CALCR: variants seen among roughly 807,000 people sequenced by gnomAD.
The protein encoded by CALCR is calcitonin receptor.
CALCR carries 47 observed loss-of-function variants against 59.5 expected under a neutral mutation model. That is an observed-to-expected ratio of 0.79 (90% confidence interval 0.63 to 1.01). CALCR has a LOEUF of 1.01. Ranked by LOEUF, CALCR falls within the 50% of genes least tolerant of loss-of-function variation. The pLI, the probability that CALCR is intolerant of heterozygous loss-of-function variation, is 0.00. For missense variants in CALCR, 566 were observed against 597.1 expected (o/e 0.95, Z 0.54); for synonymous variants, 213 against 211.3 (o/e 1.01, Z -0.07).
At chr7:93,440,098 A>G (rs1238011056) in intron 9 of CALCR, among the ~76,000 whole-genome samples, 2 of 152,158 alleles carry the variant, frequency 1.3e-5, no homozygotes, top group Non-Finnish European at 2.9e-5. Context: ...AGCTGAATTA[A>G]ATGAATGGGC....
chr7:93,537,610 A>G (rs1563012154), intron 2 of CALCR, among the ~76,000 whole-genome samples: 1 of 151,884 alleles, frequency 6.6e-6, no homozygotes, highest in East Asian at 1.9e-4. Context: ...TCAAAAATTA[A>G]CAAAAATAAT....
At chr7:93,459,449 G>T (rs1221278599) in intron 8 of CALCR, among the ~76,000 whole-genome samples, 1 of 152,140 alleles carries the variant, frequency 6.6e-6, no homozygotes, top group Non-Finnish European at 1.5e-5. Flanking sequence ...TTTAGTTCTG[G>T]TTTTTGTTAG....
At chr7:93,534,344 G>A (rs1437316632) in intron 2 of CALCR, among the ~76,000 whole-genome samples, 2 of 151,748 alleles carry the variant, frequency 1.3e-5, no homozygotes, top group East Asian at 1.9e-4. Context: ...GTAAATGGAT[G>A]AGCTGAGATT....
At chr7:93,482,713 T>A (rs368083955) in intron 3 of CALCR, 2 of 512,106 alleles carry the variant, frequency 3.9e-6, no homozygotes, top group Admixed American at 4.1e-5. Context: ...ACAGTGGAAA[T>A]ACGACAATCT....
chr7:93,555,604 C>A (rs1789578778), intron 2 of CALCR, among the ~76,000 whole-genome samples: 1 of 152,154 alleles, frequency 6.6e-6, no homozygotes, highest in Non-Finnish European at 1.5e-5. Flanking sequence ...TTTACCATTT[C>A]AACCATTTAT....
At chr7:93,467,236 T>C (rs1800458997) in intron 7 of CALCR, among the ~76,000 whole-genome samples, 2 of 151,832 alleles carry the variant, frequency 1.3e-5, no homozygotes, top group South Asian at 2.1e-4. Context: ...GAAAATACTC[T>C]TCTATTCTAA....
chr7:93,453,524 AG>A (rs1800150251), intron 8 of CALCR, among the ~76,000 whole-genome samples: 1 of 152,062 alleles, frequency 6.6e-6, no homozygotes, highest in African/African-American at 2.4e-5. Flanking sequence ...ACCCTAACGG[AG>A]TGTGCAAACC....
At chr7:93,556,349 C>T (rs1789605107) in intron 2 of CALCR, among the ~76,000 whole-genome samples, 1 of 152,278 alleles carries the variant, frequency 6.6e-6, no homozygotes, top group East Asian at 1.9e-4. Context: ...CTGGTCTACA[C>T]TGTTTGAGTT....
chr7:93,544,528 T>A (rs189094539), intron 2 of CALCR, among the ~76,000 whole-genome samples: 1 of 152,304 alleles, frequency 6.6e-6, no homozygotes, highest in East Asian at 1.9e-4. Context: ...ACATCTATTA[T>A]ATAGATTGTG....
intron 2 of CALCR, among the ~76,000 whole-genome samples, chr7:93,527,811 T>TATA (rs1724520363): frequency 6.6e-6 from 1 of 152,176 alleles, no homozygotes; most frequent in Non-Finnish European, 1.5e-5. Flanking sequence ...TGTGCTCCAT[T>TATA]ATGTAGGCTT....
At chr7:93,427,232 A>T (rs923576927) in intron 13 of CALCR, among the ~76,000 whole-genome samples, 2 of 152,244 alleles carry the variant, frequency 1.3e-5, no homozygotes, top group South Asian at 4.1e-4. Flanking sequence ...AGAGGCAAAG[A>T]TGCTAACATC....
In CALCR at chr7:93,569,935, GACACACAC is replaced by G. The variant is rs3068441; in HGVS notation, c.-27+4346_-27+4353del. On this transcript the variant is annotated intron_variant, in intron 2 of 13. Coordinates refer to ENST00000426151, the MANE Select transcript of CALCR (RefSeq NM_001742.4). Reference sequence around the variant, plus strand: ...TACAATGGAACCATTGATGTAAAGGGACACACACACACACACACACACACACACACACA... The same window carrying G: ...TACAATGGAACCATTGATGTAAAGGGACACACACACACACACACACACACA... Among the ~76,000 whole-genome samples the G allele has an allele frequency of 1.7e-3, 242 of 144,116 alleles. 2 individuals carry two copies. In the East Asian group the frequency reaches 0.038, roughly 23 times the overall value. 94.5% of individuals were successfully genotyped at this position (144,116 alleles called of 152,430 possible).
chr7:93,463,798 G>A (rs921693115), intron 7 of CALCR, among the ~76,000 whole-genome samples: 1 of 151,970 alleles, frequency 6.6e-6, no homozygotes, highest in Non-Finnish European at 1.5e-5. Flanking sequence ...TTTTTTGTCA[G>A]ATCTGAGATG....
intron 2 of CALCR, among the ~76,000 whole-genome samples, chr7:93,505,685 G>T (rs1286229327): frequency 6.6e-6 from 1 of 152,154 alleles, no homozygotes; most frequent in Non-Finnish European, 1.5e-5. Flanking sequence ...GATAAGCCAT[G>T]TCTACAAAAT....
intron 2 of CALCR, among the ~76,000 whole-genome samples, chr7:93,499,827 G>A (rs909717860): frequency 2.6e-5 from 4 of 151,968 alleles, no homozygotes; most frequent in Admixed American, 6.6e-5. Context: ...TTTAAGCCAA[G>A]TTTTAAAATA....
intron 9 of CALCR, among the ~76,000 whole-genome samples, chr7:93,439,724 G>T (rs1400585000): frequency 6.6e-6 from 1 of 151,912 alleles, no homozygotes; most frequent in Non-Finnish European, 1.5e-5. Flanking sequence ...TTTTAAGAGG[G>T]ATTTAATAAA....
chr7:93,446,099 TACAA>T (rs1800002042), intron 8 of CALCR, among the ~76,000 whole-genome samples: 1 of 151,970 alleles, frequency 6.6e-6, no homozygotes, highest in South Asian at 2.1e-4. Flanking sequence ...ATTTGGGGGT[TACAA>T]ACAATTTATA....
intron 2 of CALCR, among the ~76,000 whole-genome samples, chr7:93,515,307 A>ACC (rs946422867): frequency 2.6e-5 from 4 of 151,958 alleles, no homozygotes; most frequent in Non-Finnish European, 5.9e-5. Context: ...TGAAGTTATT[A>ACC]CCCTATGGGA....
chr7:93,472,541 A>G, intron 5 of CALCR, 54 bp from the exon 6 acceptor site: 2 of 1,029,910 alleles, frequency 1.9e-6, no homozygotes, highest in Non-Finnish European at 3.0e-6. Flanking sequence ...CCCAACAAGG[A>G]AAAATAATAA....
Sources: allele counts gnomAD v4.1 joint callset (sites outside exome capture counted in the v4.1 genomes callset), GRCh38; gene constraint gnomAD v4.1.1; transcripts MANE v1.5; gene names NCBI Gene and HGNC (gene_info 2026-07-23, HGNC 2026-07-21).